FHIP1A: variants seen among roughly 807,000 people sequenced by gnomAD.
FHIP1A encodes FHF complex subunit HOOK interacting protein 1A.
FHIP1A carries 61 observed loss-of-function variants against 88.6 expected under a neutral mutation model. The observed-to-expected ratio is 0.69, with a 90% CI of 0.56 to 0.85. The LOEUF is 0.85. FHIP1A is among the 40% of genes least tolerant of loss of function. FHIP1A has a pLI of 0.00. For missense variants in FHIP1A, 1,154 were observed against 1,273.5 expected (o/e 0.91, Z 1.43); for synonymous variants, 478 against 496.0 (o/e 0.96, Z 0.48).
chr4:151,426,604 GT>G (rs1263136649), intron 1 of FHIP1A, among the ~76,000 whole-genome samples: 1 of 152,148 alleles, frequency 6.6e-6, no homozygotes, highest in Non-Finnish European at 1.5e-5. Context: ...CATTGGCAAA[GT>G]AACTTATCAT....
Position 151,629,812 on chromosome 4 carries a change from G to A in FHIP1A, c.1089G>A (p.Gln363=), listed in dbSNP as rs777852324. The change falls in exon 8 of 14, where the codon CAG becomes CAA. Residue 363 remains glutamine (Q), a synonymous_variant. Transcript: ENST00000435205. Reference sequence around the variant, plus strand: ...TCCTCCGTTTTATCCTATTGCACCAGCACGAGAATGTCCACATCCTAGACA... The same window carrying A: ...TCCTCCGTTTTATCCTATTGCACCAACACGAGAATGTCCACATCCTAGACA... ...EIFLRFILLH[Q]HENVHILDTL... 14 of 1,551,308 alleles carry A rather than the reference G, an allele frequency of 9.0e-6. No homozygotes were observed. The highest frequency in any genetic ancestry group is 2.7e-5 in the African/African-American group (2 of 73,008).
intron 3 of FHIP1A, among the ~76,000 whole-genome samples, chr4:151,559,501 T>C (rs562467635): frequency 6.6e-6 from 1 of 152,344 alleles, no homozygotes; most frequent in East Asian, 1.9e-4. Flanking sequence ...TACAATCATA[T>C]GGGCTAATAC....
At chr4:151,473,997 G>A (rs967166892) in intron 2 of FHIP1A, among the ~76,000 whole-genome samples, 2 of 152,138 alleles carry the variant, frequency 1.3e-5, no homozygotes, top group African/African-American at 4.8e-5. Context: ...TCATAATACA[G>A]CTCTAAAATC....
chr4:151,507,729 C>G (rs912739075), intron 3 of FHIP1A, among the ~76,000 whole-genome samples: 44 of 152,176 alleles, frequency 2.9e-4, no homozygotes, highest in African/African-American at 2.7e-4. Context: ...CCCTACTGCT[C>G]TCCTCATCCC....
intron 4 of FHIP1A, among the ~76,000 whole-genome samples, chr4:151,571,202 CTT>C (rs1430855577): frequency 1.3e-5 from 2 of 152,198 alleles, no homozygotes; most frequent in Non-Finnish European, 2.9e-5. Flanking sequence ...GGTCTCTGCT[CTT>C]AGAGCCAGGA....
At position 151,457,945 on chromosome 4, in the gene FHIP1A, C is replaced by T. The variant is rs114557809; in HGVS notation, c.-248+3137C>T. 9.8e-3 allele frequency among the ~76,000 whole-genome samples: 1,486 copies of T among 152,282 alleles called. 21 individuals are homozygous for T. Among genetic ancestry groups the T allele is most frequent in the African/African-American group, 0.034 (1,406 of 41,544 alleles). ...AGGAAATCCAGATTTGGCTTGAAGC[C>T]TACCAGTTTATGGTCCCTGTAGTGA... On this transcript the variant is annotated intron_variant, in intron 2 of 13. Coordinates refer to ENST00000435205, the MANE Select transcript of FHIP1A (RefSeq NM_001109977.3).
At position 151,656,773 on chromosome 4, in the gene FHIP1A, T is replaced by C. The variant is rs939616037; in HGVS notation, c.2744T>C (p.Val915Ala). ...TGTTTTTGACAGGTCCTTGCATCTG[T>C]GAAAAACAAGATTGAACAGTTTGCT... is the stretch of plus-strand genomic sequence containing the variant. The part of the protein sequence containing the change: ...VRSLYQVLAS[V>A]KNKIEQFASV... The change falls in exon 13 of 14, where the codon GTG becomes GCG. Residue 915 changes from valine (V) to alanine (A), a missense_variant. Physicochemically the swap from Val to Ala is moderately conservative, Grantham distance 64 (BLOSUM62 0). Coordinates refer to ENST00000435205, the MANE Select transcript of FHIP1A (RefSeq NM_001109977.3). This position sits in a 1 kb window ranked among gnomAD's most constrained non-coding sequence, Gnocchi z 4.2. 3.2e-6 allele frequency: 5 copies of C among 1,551,248 alleles called. No individual in the cohort carries two copies. In the African/African-American group the frequency reaches 6.8e-5, roughly 21 times the overall value.
intron 3 of FHIP1A, among the ~76,000 whole-genome samples, chr4:151,490,650 T>C (rs1730249812): frequency 6.6e-6 from 1 of 151,334 alleles, no homozygotes; most frequent in South Asian, 2.1e-4. Context: ...CAAGAAGAAA[T>C]CTCTGAATTG....
chr4:151,474,665 G>A (rs1054631961), intron 2 of FHIP1A, among the ~76,000 whole-genome samples: 1 of 152,210 alleles, frequency 6.6e-6, no homozygotes, highest in African/African-American at 2.4e-5. Context: ...CTGGGAAATG[G>A]TACTTTCAGT....
chr4:151,472,538 C>A (rs1211948521), intron 2 of FHIP1A, among the ~76,000 whole-genome samples: 1 of 151,686 alleles, frequency 6.6e-6, no homozygotes, highest in Non-Finnish European at 1.5e-5. Flanking sequence ...TACAAGGTGC[C>A]CTGTGATTGC....
chr4:151,547,252 A>G (rs1267092927), intron 3 of FHIP1A, among the ~76,000 whole-genome samples: 1 of 150,068 alleles, frequency 6.7e-6, no homozygotes, highest in Non-Finnish European at 1.5e-5. Flanking sequence ...GAAAGAAGGT[A>G]TGTCTGAAAC....
At chr4:151,626,774 G>A (rs1337656870) in intron 7 of FHIP1A, among the ~76,000 whole-genome samples, 1 of 152,198 alleles carries the variant, frequency 6.6e-6, no homozygotes, top group Non-Finnish European at 1.5e-5. Flanking sequence ...TATATTAGCA[G>A]CTGATTGTCC....
At chr4:151,443,285 G>A (rs1411886694) in intron 1 of FHIP1A, among the ~76,000 whole-genome samples, 2 of 151,986 alleles carry the variant, frequency 1.3e-5, no homozygotes, top group East Asian at 1.9e-4. Flanking sequence ...GTGACAGAGC[G>A]AGACTGTCTT....
rs1217902411 is a variant in FHIP1A, at chr4:151,412,606, T to G, written c.-356+3141T>G. ...TTCTTTCCTTCCTTCCTTCCTTCCT[T>G]CCTTCCTCCCTCCCTCCCTCCCTCC... On this transcript the variant is annotated intron_variant, in intron 1 of 13. Transcript: ENST00000435205. Among the ~76,000 whole-genome samples the G allele has an allele frequency of 1.3e-3, 186 of 138,668 alleles. 2 individuals carry two copies. Among genetic ancestry groups the G allele is most frequent in the African/African-American group, 5.1e-3 (183 of 35,900 alleles). 91.0% of individuals were successfully genotyped at this position (138,668 alleles called of 152,430 possible).
chr4:151,423,271 A>T (rs1733243986), intron 1 of FHIP1A, among the ~76,000 whole-genome samples: 1 of 152,064 alleles, frequency 6.6e-6, no homozygotes, highest in African/African-American at 2.4e-5. Flanking sequence ...TTATAACTTT[A>T]TCAAGATGCT....
intron 3 of FHIP1A, among the ~76,000 whole-genome samples, chr4:151,531,053 T>G (rs1731860793): frequency 6.6e-6 from 1 of 152,162 alleles, no homozygotes; most frequent in Non-Finnish European, 1.5e-5. Context: ...GTTTATATTC[T>G]GTTGTCACCC....
chr4:151,469,693 A>G (rs1729443492), intron 2 of FHIP1A, among the ~76,000 whole-genome samples: 2 of 152,114 alleles, frequency 1.3e-5, no homozygotes, highest in African/African-American at 4.8e-5. Context: ...AAAATTGTGG[A>G]TTTCTTTTTT....
chr4:151,629,636 C>T (rs1028162173), intron 7 of FHIP1A, 66 bp from the exon 8 acceptor site: 114 of 1,440,624 alleles, frequency 7.9e-5, no homozygotes, highest in South Asian at 2.7e-4. Context: ...CTGGGGGCCA[C>T]GGGAGAGGCG....
At chr4:151,417,517 G>A (rs1429296670) in intron 1 of FHIP1A, among the ~76,000 whole-genome samples, 2 of 152,200 alleles carry the variant, frequency 1.3e-5, no homozygotes, top group African/African-American at 4.8e-5. Flanking sequence ...ACCAATCCGA[G>A]GTACTTTCAG....
Sources: allele counts gnomAD v4.1 joint callset (sites outside exome capture counted in the v4.1 genomes callset), GRCh38; gene constraint gnomAD v4.1.1; non-coding constraint Gnocchi (gnomAD v3.1); transcripts MANE v1.5; gene names NCBI Gene and HGNC (gene_info 2026-07-23, HGNC 2026-07-21).